PDE4A: variants seen among roughly 807,000 people sequenced by gnomAD.
The protein encoded by PDE4A is phosphodiesterase 4A.
In PDE4A, 21 loss-of-function variants were observed where a neutral mutation model predicts 73.9. That is an observed-to-expected ratio of 0.28 (90% CI 0.20 to 0.41). PDE4A has a LOEUF of 0.41. PDE4A is among the 10% of genes least tolerant of loss of function. PDE4A has a pLI of 1.00. For missense variants in PDE4A, 958 were observed against 1,211.4 expected, an observed-to-expected ratio of 0.79 and a Z score of 3.10; for synonymous variants, 463 against 505.4, an observed-to-expected ratio of 0.92 and a Z score of 1.13.
chr19:10,427,534 CCTCAGT>C, intron 1 of PDE4A: 2 of 985,372 alleles, frequency 2.0e-6, no homozygotes, highest in Non-Finnish European at 2.4e-6. Context: ...TGGCTTTAGG[CCTCAGT>C]TTACATCTGG....
intron 1 of PDE4A, among the ~76,000 whole-genome samples, chr19:10,439,153 GTGTT>G (rs1252324045): frequency 2.0e-5 from 3 of 151,974 alleles, no homozygotes; most frequent in East Asian, 1.9e-4. Context: ...GTGATTCTAC[GTGTT>G]TGTTTGTTTT....
chr19:10,464,827 C>A (rs1425092556), intron 14 of PDE4A, among the ~76,000 whole-genome samples: 1 of 151,996 alleles, frequency 6.6e-6, no homozygotes, highest in African/African-American at 2.4e-5. Flanking sequence ...AAATGATCCT[C>A]CACCCCCGCC....
intron 1 of PDE4A, among the ~76,000 whole-genome samples, chr19:10,425,022 A>C (rs1212146474): frequency 6.6e-6 from 1 of 152,152 alleles, no homozygotes; most frequent in Non-Finnish European, 1.5e-5. Flanking sequence ...TCAGGAGTTC[A>C]AGATCATCCT....
chr19:10,449,182 T>C, intron 4 of PDE4A, 32 bp downstream of exon 4: 1 of 1,608,022 alleles, frequency 6.2e-7, no homozygotes, highest in East Asian at 2.2e-5. Flanking sequence ...ACAGCTGTGA[T>C]CATAAGGTGA....
At chr19:10,446,659 A>T (rs537466599) in intron 2 of PDE4A, among the ~76,000 whole-genome samples, 2 of 148,592 alleles carry the variant, frequency 1.3e-5, no homozygotes, top group Non-Finnish European at 1.5e-5. Context: ...TAGAGGTGCC[A>T]TCTCAGCTCA....
chr19:10,418,561 A>G (rs1008020199), upstream of PDE4A, among the ~76,000 whole-genome samples: 15 of 151,532 alleles, frequency 9.9e-5, no homozygotes, highest in Non-Finnish European at 1.9e-4. Context: ...TCATGGTCCA[A>G]TGGTTCATTT....
intron 1 of PDE4A, chr19:10,432,508 C>T (rs1320023443): frequency 3.9e-6 from 6 of 1,523,678 alleles, no homozygotes; most frequent in Non-Finnish European, 5.3e-6. Flanking sequence ...GGCCCCGAGT[C>T]CCTGACCCAC....
chr19:10,447,335 C>T (rs1166217969), intron 2 of PDE4A, among the ~76,000 whole-genome samples: 1 of 148,502 alleles, frequency 6.7e-6, no homozygotes, highest in Non-Finnish European at 1.5e-5. Context: ...ATGCCATTCT[C>T]CTGCCTCAGC....
At chr19:10,448,139 C>T (rs2043038143) in intron 2 of PDE4A, among the ~76,000 whole-genome samples, 1 of 147,734 alleles carries the variant, frequency 6.8e-6, no homozygotes, top group African/African-American at 2.5e-5. Context: ...CTTGCTCTGT[C>T]ACCAGGCTGG....
intron 1 of PDE4A, among the ~76,000 whole-genome samples, chr19:10,445,494 G>T (rs187136264): frequency 1.3e-5 from 2 of 152,058 alleles, no homozygotes; most frequent in African/African-American, 4.8e-5. Context: ...TTGGTTGGGC[G>T]CAGTGGCTCA....
Position 10,468,980 on chromosome 19 carries a change from GAGCACACGGTACTGT to G in PDE4A, c.*1363_*1377del, listed in dbSNP as rs1007996711. 2 of 152,724 alleles carry G rather than the reference GAGCACACGGTACTGT, an allele frequency of 1.3e-5. No homozygotes were observed. Among genetic ancestry groups the G allele is most frequent in the Non-Finnish European group, 2.9e-5 (2 of 68,164 alleles). 9.5% of individuals were successfully genotyped at this position (152,724 alleles called of 1,614,324 possible). A position where few individuals can be genotyped will look rare whatever the true frequency, so the allele number is the denominator to read the frequency against. On this transcript the variant is annotated 3_prime_UTR_variant, in exon 15 of 15. Coordinates refer to ENST00000380702, the MANE Select transcript of PDE4A (RefSeq NM_001111307.2). ...CATCGCCTGCCCCCTACCCAATTCTGAGCACACGGTACTGTAGCCCCCAGTTCCTCCCTAGCCTTC... is the reference window on the plus strand; with the variant it reads ...CATCGCCTGCCCCCTACCCAATTCTGAGCCCCCAGTTCCTCCCTAGCCTTC...
At chr19:10,432,070 G>A (rs1338105592) in intron 1 of PDE4A, among the ~76,000 whole-genome samples, 1 of 151,864 alleles carries the variant, frequency 6.6e-6, no homozygotes, top group African/African-American at 2.4e-5. Context: ...CTCGACGTCA[G>A]GGCGGGGAGG....
At chr19:10,454,947 T>C in intron 7 of PDE4A, 25 bp downstream of exon 7, 5 of 1,612,554 alleles carry the variant, frequency 3.1e-6, no homozygotes, top group African/African-American at 2.7e-5. Flanking sequence ...GCACGTGGGA[T>C]TGGAGGGGGG....
In PDE4A at chr19:10,453,060, C is replaced by T; in HGVS notation, c.784-1769C>T. On this transcript the variant is annotated intron_variant, in intron 6 of 14. Coordinates refer to ENST00000380702, the MANE Select transcript of PDE4A (RefSeq NM_001111307.2). The surrounding 1 kb of genome is among the most constrained non-coding windows in gnomAD (Gnocchi z 4.6). ...CGGGGGGGCCCGTTGGGGCCCAGGG[C>T]TGGCGGGCCATGTAACCAGGGCTGC... 1 of 1,350,664 alleles carries T rather than the reference C, an allele frequency of 7.4e-7. No individual in the cohort carries two copies. Among genetic ancestry groups the T allele is most frequent in the Non-Finnish European group, 9.5e-7 (1 of 1,053,820 alleles). 83.7% of individuals were successfully genotyped at this position (1,350,664 alleles called of 1,614,324 possible). A position where few individuals can be genotyped will look rare whatever the true frequency, so the allele number is the denominator to read the frequency against.
chr19:10,417,899 T>C, upstream of PDE4A: 2 of 1,533,044 alleles, frequency 1.3e-6, no homozygotes, highest in Non-Finnish European at 1.7e-6. Context: ...GGGAGGTGGG[T>C]TGGGGAGGCA....
At chr19:10,452,528 G>A (rs59451338) in intron 6 of PDE4A, among the ~76,000 whole-genome samples, 38,851 of 151,666 alleles carry the variant, frequency 0.26, 5,628 homozygotes, top group African/African-American at 0.38. Flanking sequence ...CTGTGCCCTT[G>A]GATGGGGCGT....
At chr19:10,423,436 C>T (rs990932326) in intron 1 of PDE4A, among the ~76,000 whole-genome samples, 6 of 152,138 alleles carry the variant, frequency 3.9e-5, no homozygotes, top group African/African-American at 1.4e-4. Context: ...GCTGGGATTA[C>T]AGGCATGAGC....
intron 14 of PDE4A, among the ~76,000 whole-genome samples, chr19:10,465,847 C>T (rs2043359830): frequency 6.7e-6 from 1 of 148,728 alleles, no homozygotes; most frequent in Non-Finnish European, 1.5e-5. Context: ...ATTACATGTG[C>T]CCACCACCAT....
chr19:10,453,192 TGGTTGTTAACCCCG>T lies in PDE4A; in HGVS notation c.784-1634_784-1621del. ...CACCTGCCCGGCACCCCCTCCCCAGTGGTTGTTAACCCCGGGACTCCCCAAGCCCAGCCTCTGTG... is the reference window on the plus strand; with the variant it reads ...CACCTGCCCGGCACCCCCTCCCCAGTGGACTCCCCAAGCCCAGCCTCTGTG... On this transcript the variant is annotated intron_variant, in intron 6 of 14. Coordinates refer to ENST00000380702, the MANE Select transcript of PDE4A (RefSeq NM_001111307.2). The surrounding 1 kb of genome is among the most constrained non-coding windows in gnomAD (Gnocchi z 4.6). 6.6e-7 allele frequency: 1 copy of T among 1,518,458 alleles called. No individual in the cohort carries two copies. Among genetic ancestry groups the T allele is most frequent in the Non-Finnish European group, 8.8e-7 (1 of 1,130,648 alleles). 94.1% of individuals were successfully genotyped at this position (1,518,458 alleles called of 1,614,324 possible).
Sources: allele counts gnomAD v4.1 joint callset (sites outside exome capture counted in the v4.1 genomes callset), GRCh38; gene constraint gnomAD v4.1.1; non-coding constraint Gnocchi (gnomAD v3.1); transcripts MANE v1.5; gene names NCBI Gene and HGNC (gene_info 2026-07-23, HGNC 2026-07-21).